Variants in CGNL1 observed in about 807,000 individuals in gnomAD.
CGNL1 encodes the protein cingulin-like protein 1.
A neutral mutation model predicts 141.2 loss-of-function variants in CGNL1; 132 were observed. The observed-to-expected ratio is 0.93, with a 90% CI of 0.81 to 1.08. CGNL1 has a LOEUF of 1.08. Among genes scored for constraint, CGNL1 ranks in the 50% least tolerant of loss-of-function variants. The pLI is 0.00. For missense variants in CGNL1, 1,870 were observed against 1,588.6 expected, an observed-to-expected ratio of 1.18 and a Z score of -3.01; for synonymous variants, 690 against 622.1, an observed-to-expected ratio of 1.11 and a Z score of -1.63.
intron 1 of CGNL1, among the ~76,000 whole-genome samples, chr15:57,391,980 C>T (rs987051402): frequency 6.6e-6 from 1 of 151,490 alleles, no homozygotes; most frequent in African/African-American, 2.4e-5. Flanking sequence ...CTTTCCCCCC[C>T]CTCACCTGAC....
intron 1 of CGNL1, among the ~76,000 whole-genome samples, chr15:57,420,977 G>T (rs1167423370): frequency 6.6e-6 from 1 of 152,180 alleles, no homozygotes; most frequent in Non-Finnish European, 1.5e-5. Context: ...CATATTAGAG[G>T]TTAAAATCCT....
chr15:57,426,511 A>G (rs1453282982), intron 1 of CGNL1, among the ~76,000 whole-genome samples: 5 of 150,838 alleles, frequency 3.3e-5, no homozygotes, highest in East Asian at 2.0e-4. Context: ...TAGTAGTGCA[A>G]TCATGGCTCA....
chr15:57,519,290 AG>A (rs753431552), intron 10 of CGNL1, among the ~76,000 whole-genome samples: 4 of 152,136 alleles, frequency 2.6e-5, no homozygotes, highest in Non-Finnish European at 5.9e-5. Context: ...TCTAAGAGGA[AG>A]GTTGTTAAAG....
intron 8 of CGNL1, among the ~76,000 whole-genome samples, chr15:57,512,024 T>C (rs780373595): frequency 6.6e-6 from 1 of 152,224 alleles, no homozygotes; most frequent in Admixed American, 6.5e-5. Context: ...TCAATGACTT[T>C]AGCAGTACTT....
chr15:57,451,814 C>T (rs538031431), intron 5 of CGNL1, among the ~76,000 whole-genome samples: 1 of 151,894 alleles, frequency 6.6e-6, no homozygotes, highest in Admixed American at 6.6e-5. Flanking sequence ...AGACTGTTTG[C>T]TTAGACAGAG....
intron 12 of CGNL1, among the ~76,000 whole-genome samples, chr15:57,526,876 G>A (rs372277527): frequency 6.6e-6 from 1 of 152,112 alleles, no homozygotes; most frequent in East Asian, 1.9e-4. Flanking sequence ...GGCACGCTGG[G>A]CATTGGGAAG....
At chr15:57,538,272 A>G (rs1372270151) in intron 14 of CGNL1, among the ~76,000 whole-genome samples, 2 of 152,250 alleles carry the variant, frequency 1.3e-5, no homozygotes, top group Non-Finnish European at 2.9e-5. Context: ...TTGAAGAACA[A>G]AAGGAAGCCT....
chr15:57,534,032 G>A (rs2032109642), intron 14 of CGNL1, among the ~76,000 whole-genome samples: 1 of 152,208 alleles, frequency 6.6e-6, no homozygotes, highest in Non-Finnish European at 1.5e-5. Flanking sequence ...TCAAAAGGAA[G>A]TCATTGATCC....
intron 9 of CGNL1, among the ~76,000 whole-genome samples, chr15:57,518,172 T>A (rs1243977077): frequency 6.6e-6 from 1 of 152,010 alleles, no homozygotes; most frequent in Non-Finnish European, 1.5e-5. Context: ...TCACCCGAGA[T>A]AATGTGGATG....
Position 57,500,653 on chromosome 15 carries a change from T to TG in CGNL1, c.2404-16124dup, listed in dbSNP as rs529197296. The stretch of plus-strand genomic sequence containing the variant: ...AAATGTGGATTGAGAATGAAGACTT[T>TG]GGGAAAAAAAAGCGTGGAGCGTTCA... On this transcript the variant is annotated intron_variant, in intron 8 of 18. Coordinates refer to ENST00000281282, the MANE Select transcript of CGNL1 (RefSeq NM_032866.5). Among the ~76,000 whole-genome samples, 44 of 16,408 alleles carry TG rather than the reference T, an allele frequency of 2.7e-3. No homozygotes were observed. The Non-Finnish European group carries it at 0.033, about 12-fold the overall frequency. 10.8% of individuals were successfully genotyped at this position (16,408 alleles called of 152,430 possible).
chr15:57,543,911 C>T, intron 15 of CGNL1, 132 bp downstream of exon 15: 1 of 628,526 alleles, frequency 1.6e-6, no homozygotes, highest in Non-Finnish European at 2.7e-6. Context: ...GGGTAACAGT[C>T]CTTTTCCAGA....
At chr15:57,470,509 C>T (rs370937556) in intron 8 of CGNL1, among the ~76,000 whole-genome samples, 1 of 151,980 alleles carries the variant, frequency 6.6e-6, no homozygotes, top group East Asian at 1.9e-4. Context: ...TCTTAGCGGG[C>T]CTCCATGAGG....
At chr15:57,545,932 C>A in intron 17 of CGNL1, 144 bp from the exon 18 acceptor site, 1 of 945,552 alleles carries the variant, frequency 1.1e-6, no homozygotes, top group Non-Finnish European at 1.6e-6. Flanking sequence ...GTCTTAGTGC[C>A]TGCTCTCCAT....
rs1172234054 is a variant in CGNL1, at chr15:57,548,057, A to G, written c.*567A>G. ...ATTCTTGTTGCCGAGGCTGGAGTGC[A>G]ATGGCGCAACCTTGGCTCACTGCAA... On this transcript the variant is annotated 3_prime_UTR_variant, in exon 19 of 19. Transcript: ENST00000281282. 1 of 148,914 alleles carries G rather than the reference A, an allele frequency of 6.7e-6. No individual in the cohort carries two copies. Among genetic ancestry groups the G allele is most frequent in the Non-Finnish European group, 1.5e-5 (1 of 67,806 alleles). The allele number at this position is 148,914 out of a possible 1,614,324, so 9.2% of individuals were successfully genotyped here. A position where few individuals can be genotyped will look rare whatever the true frequency, so the allele number is the denominator to read the frequency against.
intron 8 of CGNL1, among the ~76,000 whole-genome samples, chr15:57,481,674 A>AT (rs1411542964): frequency 6.6e-6 from 1 of 152,018 alleles, no homozygotes; most frequent in Admixed American, 6.6e-5. Flanking sequence ...ATATGTTTTA[A>AT]TTTTTTTCTG....
intron 4 of CGNL1, among the ~76,000 whole-genome samples, chr15:57,443,680 G>A (rs373105152): frequency 1.3e-5 from 2 of 152,164 alleles, no homozygotes; most frequent in Non-Finnish European, 2.9e-5. Context: ...TAGTCCTTGC[G>A]TATTACACCA....
intron 1 of CGNL1, among the ~76,000 whole-genome samples, chr15:57,434,715 A>G (rs564930759): frequency 1.3e-5 from 2 of 152,344 alleles, no homozygotes; most frequent in African/African-American, 2.4e-5. Flanking sequence ...AAGCTAGAAG[A>G]TAATGAAGTT....
At chr15:57,461,129 C>T (rs925490056) in intron 7 of CGNL1, among the ~76,000 whole-genome samples, 2 of 152,110 alleles carry the variant, frequency 1.3e-5, no homozygotes, top group Non-Finnish European at 1.5e-5. Flanking sequence ...GCTTTGTGAC[C>T]TTCCTCATTA....
intron 1 of CGNL1, among the ~76,000 whole-genome samples, chr15:57,377,426 C>G (rs1595634524): frequency 6.6e-6 from 1 of 152,092 alleles, no homozygotes; most frequent in South Asian, 2.1e-4. Context: ...GCAGCCTGGA[C>G]AATGGAATTT....
Sources: allele counts gnomAD v4.1 joint callset (sites outside exome capture counted in the v4.1 genomes callset), GRCh38; gene constraint gnomAD v4.1.1; transcripts MANE v1.5; gene names NCBI Gene and HGNC (gene_info 2026-07-23, HGNC 2026-07-21).